Variants in IQCJ observed in about 807,000 individuals in gnomAD.
IQCJ encodes the protein IQ motif containing J.
IQCJ carries 9 observed loss-of-function variants against 11.0 expected under a neutral mutation model. The observed-to-expected ratio is 0.82, with a 90% CI of 0.49 to 1.43. The LOEUF is 1.43. Ranked by LOEUF, IQCJ falls within the 40% of genes most tolerant of loss-of-function variation. The pLI is 0.00. For synonymous variants in IQCJ, 55 were observed against 51.3 expected, an observed-to-expected ratio of 1.07 and a Z score of -0.31; for missense variants, 146 against 133.2, an observed-to-expected ratio of 1.10 and a Z score of -0.47.
At chr3:159,252,926 A>G in intron 3 of IQCJ, 119 bp downstream of exon 3, 3 of 909,218 alleles carry the variant, frequency 3.3e-6, no homozygotes, top group Non-Finnish European at 5.0e-6. Context: ...TGTGCTGCAT[A>G]TTATTTCCTC....
At chr3:159,083,899 T>C (rs573414197) in intron 1 of IQCJ, among the ~76,000 whole-genome samples, 5 of 152,068 alleles carry the variant, frequency 3.3e-5, no homozygotes, top group African/African-American at 1.2e-4. Context: ...TTGCCACAAG[T>C]TGGGAAAAGA....
intron 1 of IQCJ, among the ~76,000 whole-genome samples, chr3:159,073,954 G>A (rs906237955): frequency 6.6e-6 from 1 of 152,108 alleles, no homozygotes; most frequent in Non-Finnish European, 1.5e-5. Context: ...AATTTGTAGA[G>A]TTAAGATTTC....
chr3:159,188,645 AT>A (rs964186140), intron 1 of IQCJ, among the ~76,000 whole-genome samples: 17 of 151,960 alleles, frequency 1.1e-4, no homozygotes, highest in Non-Finnish European at 2.9e-5. Context: ...CTAAGATTTT[AT>A]TTTTGCCTAA....
chr3:159,078,419 G>A (rs527776572), intron 1 of IQCJ, among the ~76,000 whole-genome samples: 10 of 152,084 alleles, frequency 6.6e-5, no homozygotes, highest in Admixed American at 5.9e-4. Flanking sequence ...CACAAACAAG[G>A]TATTTAGGAC....
At chr3:159,265,452 G>A (rs753968531), downstream of IQCJ, 1 of 1,414,858 alleles carries the variant, frequency 7.1e-7, no homozygotes, top group Non-Finnish European at 9.7e-7. Flanking sequence ...GGCCTACACT[G>A]ACTAAGCCTG....
chr3:159,177,482 A>C (rs908197313), intron 1 of IQCJ, among the ~76,000 whole-genome samples: 2 of 152,220 alleles, frequency 1.3e-5, no homozygotes, highest in Admixed American at 1.3e-4. Flanking sequence ...AAAGTTAAAA[A>C]GTTAGTTTGT....
intron 1 of IQCJ, among the ~76,000 whole-genome samples, chr3:159,086,900 ACCCTTT>A (rs1716818660): frequency 6.6e-6 from 1 of 152,020 alleles, no homozygotes; most frequent in African/African-American, 2.4e-5. Flanking sequence ...CTAATTGAAT[ACCCTTT>A]ATTTCCTTCT....
intron 1 of IQCJ, among the ~76,000 whole-genome samples, chr3:159,106,246 T>C (rs1307111955): frequency 1.3e-5 from 2 of 152,260 alleles, no homozygotes; most frequent in South Asian, 2.1e-4. Context: ...GTTTGAGATA[T>C]CTGCTAGACA....
intron 1 of IQCJ, among the ~76,000 whole-genome samples, chr3:159,120,574 T>G (rs1319093826): frequency 6.6e-6 from 1 of 152,192 alleles, no homozygotes; most frequent in Non-Finnish European, 1.5e-5. Context: ...AAACAGGACT[T>G]GGTGAACATA....
At chr3:159,241,358 G>A (rs773642526) in intron 1 of IQCJ, among the ~76,000 whole-genome samples, 3 of 151,918 alleles carry the variant, frequency 2.0e-5, no homozygotes, top group African/African-American at 2.4e-5. Flanking sequence ...GCAGTGAGCC[G>A]AGATCGCACC....
intron 1 of IQCJ, among the ~76,000 whole-genome samples, chr3:159,176,547 C>T (rs2108004858): frequency 6.6e-6 from 1 of 152,116 alleles, no homozygotes; most frequent in East Asian, 1.9e-4. Context: ...GCACTGTTTT[C>T]TAGGACAGTG....
At chr3:159,182,024 C>T (rs1260574677) in intron 1 of IQCJ, among the ~76,000 whole-genome samples, 1 of 151,664 alleles carries the variant, frequency 6.6e-6, no homozygotes, top group African/African-American at 2.4e-5. Flanking sequence ...TGTGACTTGA[C>T]CCCTGCACAC....
chr3:159,147,507 T>C (rs1276006929), intron 1 of IQCJ, among the ~76,000 whole-genome samples: 2 of 152,218 alleles, frequency 1.3e-5, no homozygotes, highest in African/African-American at 4.8e-5. Flanking sequence ...CAGAACTTTA[T>C]ACTCTCAATA....
intron 1 of IQCJ, among the ~76,000 whole-genome samples, chr3:159,094,090 C>G (rs1413923803): frequency 1.3e-5 from 2 of 151,740 alleles, no homozygotes; most frequent in African/African-American, 2.4e-5. Context: ...GCTTTTTCTC[C>G]TTTACATGTT....
intron 1 of IQCJ, among the ~76,000 whole-genome samples, chr3:159,129,061 T>A (rs1173208354): frequency 6.6e-6 from 1 of 152,164 alleles, no homozygotes; most frequent in Admixed American, 6.6e-5. Flanking sequence ...TAACAACAAA[T>A]TTTTCAACTT....
Position 159,246,015 on chromosome 3 carries a change from A to C in IQCJ, c.74+108A>C, listed in dbSNP as rs1333361111. On this transcript the variant is annotated intron_variant, in intron 2 of 3. Transcript: ENST00000397832. ...AGTAAATTGGACAGTTTCTTATGTT[A>C]TCATTGTGGTCAGAGCCCAGAAATG... 8.2e-6 allele frequency: 7 copies of C among 851,578 alleles called. No homozygotes were observed. In the Admixed American group the frequency reaches 1.8e-4, roughly 22 times the overall value. 52.8% of individuals were successfully genotyped at this position (851,578 alleles called of 1,614,324 possible). A position where few individuals can be genotyped will look rare whatever the true frequency, so the allele number is the denominator to read the frequency against.
At chr3:159,196,279 T>C (rs1560021647) in intron 1 of IQCJ, among the ~76,000 whole-genome samples, 4 of 152,184 alleles carry the variant, frequency 2.6e-5, no homozygotes, top group Non-Finnish European at 2.9e-5. Flanking sequence ...AATAATGTTA[T>C]AAAAAAAGGA....
chr3:159,075,909 A>G (rs1274702286), intron 1 of IQCJ, among the ~76,000 whole-genome samples: 38 of 152,018 alleles, frequency 2.5e-4, no homozygotes, highest in Non-Finnish European at 2.9e-5. Flanking sequence ...TTAGACATTG[A>G]GCTGGGCATG....
Position 159,252,717 on chromosome 3 carries a change from C to A in IQCJ, c.75-10C>A, listed in dbSNP as rs1307640644. 1 of 1,608,830 alleles carries A rather than the reference C, an allele frequency of 6.2e-7. No homozygotes were observed. Among genetic ancestry groups the A allele is most frequent in the Non-Finnish European group, 8.5e-7 (1 of 1,177,500 alleles). On this transcript the variant is annotated splice_polypyrimidine_tract_variant and intron_variant, in intron 2 of 3. Transcript: ENST00000397832. ...ATTGGGAGATATTGAGACATTATTT[C>A]TGTTTCTAGTCACCAGCTGGCCATG...
Sources: allele counts gnomAD v4.1 joint callset (sites outside exome capture counted in the v4.1 genomes callset), GRCh38; gene constraint gnomAD v4.1.1; transcripts MANE v1.5; gene names NCBI Gene and HGNC (gene_info 2026-07-23, HGNC 2026-07-21).